OPRM1: variants seen among roughly 807,000 people sequenced by gnomAD.
OPRM1 encodes opioid receptor mu 1.
Under a neutral mutation model 31.8 loss-of-function variants are expected in OPRM1, and 27 were observed. The ratio of observed to expected loss-of-function variants is 0.85; its 90% CI spans 0.63 to 1.17. The LOEUF is 1.17. OPRM1 is among the 50% of genes most tolerant of loss of function. OPRM1 has a pLI of 0.00. For missense variants in OPRM1, 536 were observed against 511.1 expected (o/e 1.05, Z -0.47); for synonymous variants, 196 against 189.9 (o/e 1.03, Z -0.26).
intron 1 of OPRM1, among the ~76,000 whole-genome samples, chr6:154,041,852 A>G (rs1430304557): frequency 6.6e-6 from 1 of 152,064 alleles, no homozygotes; most frequent in African/African-American, 2.4e-5. Flanking sequence ...GCTTCTTGAT[A>G]TTTTCCTTCC....
intron 1 of OPRM1, among the ~76,000 whole-genome samples, chr6:154,063,780 A>T (rs1446529504): frequency 6.6e-6 from 1 of 151,958 alleles, no homozygotes; most frequent in Non-Finnish European, 1.5e-5. Flanking sequence ...GGTTTATTTC[A>T]TTTGGCATAA....
intron 3 of OPRM1, among the ~76,000 whole-genome samples, chr6:154,211,047 T>C (rs1777916615): frequency 6.6e-6 from 1 of 152,160 alleles, no homozygotes; most frequent in Non-Finnish European, 1.5e-5. Context: ...GTCTGGTAAG[T>C]GAATGAGCTA....
intron 1 of OPRM1, among the ~76,000 whole-genome samples, chr6:154,085,888 C>CTTT (rs779654564): frequency 8.1e-6 from 1 of 123,942 alleles, no homozygotes; most frequent in Non-Finnish European, 1.6e-5. Flanking sequence ...AAAGCTTGCC[C>CTTT]TTTTTTTTTT....
intron 1 of OPRM1, among the ~76,000 whole-genome samples, chr6:154,065,805 A>G (rs369477796): frequency 5.3e-5 from 8 of 152,214 alleles, no homozygotes; most frequent in Admixed American, 2.0e-4. Flanking sequence ...CTCATGCTAC[A>G]TAGAACAGAA....
At chr6:154,099,400 T>A (rs1331485623) in intron 3 of OPRM1, among the ~76,000 whole-genome samples, 381 of 55,534 alleles carry the variant, frequency 6.9e-3, no homozygotes, top group Middle Eastern at 0.032. Context: ...AGAAAGAAAG[T>A]AAAGAAAGAA....
intron 3 of OPRM1, among the ~76,000 whole-genome samples, chr6:154,214,488 G>A (rs530005968): frequency 6.6e-6 from 1 of 152,280 alleles, no homozygotes; most frequent in East Asian, 1.9e-4. Flanking sequence ...TAAGATGTGA[G>A]GTGGCCCATT....
intron 3 of OPRM1, among the ~76,000 whole-genome samples, chr6:154,151,563 CA>C (rs1798499564): frequency 6.6e-6 from 1 of 152,046 alleles, no homozygotes; most frequent in Non-Finnish European, 1.5e-5. Context: ...GTATTTGCTG[CA>C]AAAACTCATA....
At chr6:154,206,553 A>G (rs1005848326) in intron 3 of OPRM1, among the ~76,000 whole-genome samples, 1 of 152,258 alleles carries the variant, frequency 6.6e-6, no homozygotes, top group Non-Finnish European at 1.5e-5. Flanking sequence ...AATTAGAGAA[A>G]TAAACCAGAT....
In OPRM1 at chr6:154,128,396, T is replaced by A. The variant is rs561360016; in HGVS notation, c.*9675T>A. Among the ~76,000 whole-genome samples, 1 of 152,316 alleles carries A rather than the reference T, an allele frequency of 6.6e-6. No homozygotes were observed. Among genetic ancestry groups the A allele is most frequent in the East Asian group, 1.9e-4 (1 of 5,186 alleles). On this transcript the variant is annotated 3_prime_UTR_variant, in exon 4 of 4. Transcript: ENST00000330432. ...CTATGCACCAAATTATTTAGTACAA[T>A]TCCTAATAACAGCTGAAGGACCATT...
At chr6:154,174,690 C>T (rs928506062) in intron 3 of OPRM1, among the ~76,000 whole-genome samples, 2 of 152,150 alleles carry the variant, frequency 1.3e-5, no homozygotes, top group Non-Finnish European at 1.5e-5. Flanking sequence ...TAGAGACCTA[C>T]AAAGAGACTT....
At chr6:154,199,352 G>A (rs549022349) in intron 3 of OPRM1, among the ~76,000 whole-genome samples, 3 of 152,346 alleles carry the variant, frequency 2.0e-5, no homozygotes, top group East Asian at 3.9e-4. Context: ...AGGCTCCAGC[G>A]CATGGGACAT....
At chr6:154,244,103 C>T (rs1276005410) in intron 3 of OPRM1, among the ~76,000 whole-genome samples, 3 of 152,066 alleles carry the variant, frequency 2.0e-5, no homozygotes, top group South Asian at 2.1e-4. Flanking sequence ...GCTTTGAGAG[C>T]GACTTTGTTG....
In OPRM1 at chr6:154,186,463, T is replaced by C. The variant is rs1801353563; in HGVS notation, c.1165-60230T>C. Among the ~76,000 whole-genome samples, 4 of 152,338 alleles carry C rather than the reference T, an allele frequency of 2.6e-5. No homozygotes were observed. In the South Asian group the frequency reaches 8.3e-4, roughly 32 times the overall value. ...GCTAGCAAATCCCATCACCTCCACCTGAACACAGGCAGCAGCCACCTCGCC... is the reference window on the plus strand; with the variant it reads ...GCTAGCAAATCCCATCACCTCCACCCGAACACAGGCAGCAGCCACCTCGCC... On this transcript the variant is annotated intron_variant, in intron 3 of 3. Transcript: ENST00000337049.
At chr6:154,053,132 G>A (rs115298706) in intron 1 of OPRM1, among the ~76,000 whole-genome samples, 3,088 of 152,224 alleles carry the variant, frequency 0.02, 111 homozygotes, top group African/African-American at 0.068. Context: ...TTAGAAAATA[G>A]CATTTCTGAA....
rs613759 is a variant in OPRM1 at position 154,128,804 on chromosome 6, C to A, written c.*10083C>A. On this transcript the variant is annotated 3_prime_UTR_variant, in exon 4 of 4. Transcript: ENST00000330432. ...TGGGAACTGCCAGGTAATAGCTATG[C>A]TATTTCTGACATAAATTTAAAAACT... Among the ~76,000 whole-genome samples the A allele has an allele frequency of 0.17, 26,392 of 152,128 alleles. 2,758 individuals carry two copies. The highest frequency in any genetic ancestry group is 0.24 in the Non-Finnish European group (16,322 of 67,980).
chr6:154,069,270 C>T (rs190602851), intron 1 of OPRM1, among the ~76,000 whole-genome samples: 26 of 152,176 alleles, frequency 1.7e-4, no homozygotes, highest in Admixed American at 1.1e-3. Flanking sequence ...GATGGAGTCT[C>T]GCTCTGTCAC....
intron 3 of OPRM1, among the ~76,000 whole-genome samples, chr6:154,145,591 G>A (rs567206874): frequency 6.6e-6 from 1 of 152,222 alleles, no homozygotes; most frequent in African/African-American, 2.4e-5. Context: ...TGATATACAG[G>A]TTTTTCCCAG....
chr6:154,238,068 C>A (rs1042496485), intron 3 of OPRM1, among the ~76,000 whole-genome samples: 2 of 152,082 alleles, frequency 1.3e-5, no homozygotes, highest in African/African-American at 4.8e-5. Flanking sequence ...TTACAGCCAT[C>A]AGAAATGATG....
rs140677183 is a variant in OPRM1, at chr6:154,024,732, G to A, written c.-1+13714G>A. 1.4e-3 allele frequency among the ~76,000 whole-genome samples: 215 copies of A among 150,446 alleles called. 1 individual carries two copies. The highest frequency in any genetic ancestry group is 3.5e-3 in the Middle Eastern group (1 of 288). ...GGCTATATCCCACAGGTTTTGGTAT[G>A]TTGTGTTTCCATTATCATTTGTTTC... On this transcript the variant is annotated intron_variant, in intron 1 of 5. Coordinates refer to the OPRM1 transcript ENST00000434900.
Sources: gnomAD v4.1 joint callset for allele counts (sites outside exome capture counted in the v4.1 genomes callset) on GRCh38, gnomAD v4.1.1 for gene constraint, MANE v1.5 for transcripts, NCBI Gene and HGNC (gene_info 2026-07-23, HGNC 2026-07-21) for gene names.